SPATA6: variants seen among roughly 807,000 people sequenced by gnomAD.
SPATA6 encodes spermatogenesis associated 6.
SPATA6 carries 56 observed loss-of-function variants against 65.3 expected under a neutral mutation model. The observed-to-expected ratio is 0.86, with a 90% CI of 0.69 to 1.07. The LOEUF (loss-of-function observed/expected upper bound fraction) is 1.07, where lower values mean the gene tolerates loss of function less well. Among genes scored for constraint, SPATA6 ranks in the 50% least tolerant of loss-of-function variants. The probability of loss-of-function intolerance (pLI) is 0.00; values close to 1 mark genes in which losing one functional copy is unlikely to be tolerated. For missense variants in SPATA6, 590 were observed against 594.8 expected, an observed-to-expected ratio of 0.99 and a Z score of 0.08; for synonymous variants, 199 against 213.2, an observed-to-expected ratio of 0.93 and a Z score of 0.58.
the SPATA6 span, among the ~76,000 whole-genome samples, chr1:48,279,022 A>G: frequency 2.0e-5 from 3 of 152,232 alleles, no homozygotes; most frequent in African/African-American, 7.2e-5. Flanking sequence ...GTGGGGGCCA[A>G]TATTCAACAT....
At chr1:48,311,684 C>A (rs949569641) in intron 11 of SPATA6, among the ~76,000 whole-genome samples, 1 of 152,174 alleles carries the variant, frequency 6.6e-6, no homozygotes, top group Non-Finnish European at 1.5e-5. Flanking sequence ...AACTGAGGTA[C>A]CAGGTTCATC....
At chr1:48,318,931 T>C (rs1645518773) in intron 11 of SPATA6, among the ~76,000 whole-genome samples, 1 of 152,150 alleles carries the variant, frequency 6.6e-6, no homozygotes, top group Non-Finnish European at 1.5e-5. Context: ...TATAGATCAA[T>C]GAAACAGAAT....
At chr1:48,360,377 G>A (rs966238935) in intron 9 of SPATA6, among the ~76,000 whole-genome samples, 1 of 152,120 alleles carries the variant, frequency 6.6e-6, no homozygotes, top group African/African-American at 2.4e-5. Context: ...GCTGATGGGT[G>A]CGATGGAAAG....
chr1:48,452,181 A>G (rs1374576342), intron 2 of SPATA6, among the ~76,000 whole-genome samples: 11 of 152,232 alleles, frequency 7.2e-5, no homozygotes, highest in Non-Finnish European at 1.2e-4. Context: ...GTGCCTAGAA[A>G]AGTCCACAGA....
chr1:48,323,862 G>C (rs1261491007), intron 11 of SPATA6, among the ~76,000 whole-genome samples: 1 of 152,110 alleles, frequency 6.6e-6, no homozygotes, highest in East Asian at 1.9e-4. Context: ...GTAATAAAAA[G>C]TCTCCTAGCA....
intron 8 of SPATA6, among the ~76,000 whole-genome samples, chr1:48,387,593 G>T (rs2147875604): frequency 6.6e-6 from 1 of 152,252 alleles, no homozygotes; most frequent in South Asian, 2.1e-4. Context: ...CTCTGCCCCT[G>T]CCTACCACAG....
intron 3 of SPATA6, among the ~76,000 whole-genome samples, chr1:48,427,180 C>T (rs138048020): frequency 2.6e-3 from 389 of 152,000 alleles, no homozygotes; most frequent in African/African-American, 8.8e-3. Context: ...CTCCAGCCTA[C>T]GCTTCCCAAA....
At chr1:48,303,471 C>T (rs1431262635) in intron 12 of SPATA6, among the ~76,000 whole-genome samples, 2 of 152,142 alleles carry the variant, frequency 1.3e-5, no homozygotes, top group Non-Finnish European at 2.9e-5. Context: ...TTCTACTCTC[C>T]ACTTCCATGA....
At chr1:48,341,664 G>C (rs1207800916) in intron 11 of SPATA6, among the ~76,000 whole-genome samples, 1 of 152,124 alleles carries the variant, frequency 6.6e-6, no homozygotes, top group Non-Finnish European at 1.5e-5. Flanking sequence ...AAAAAACATG[G>C]TTTCTGAGAG....
intron 3 of SPATA6, among the ~76,000 whole-genome samples, chr1:48,431,629 G>C (rs1654411885): frequency 6.6e-6 from 1 of 152,060 alleles, no homozygotes; most frequent in Non-Finnish European, 1.5e-5. Context: ...AGTAAACTTG[G>C]AAAATTCACC....
chr1:48,453,698 A>G (rs552472495), intron 1 of SPATA6, among the ~76,000 whole-genome samples: 4 of 152,186 alleles, frequency 2.6e-5, no homozygotes, highest in African/African-American at 4.8e-5. Context: ...TTAAGTGCAT[A>G]TACCTTAACT....
At chr1:48,335,761 A>G (rs1646042706) in intron 11 of SPATA6, among the ~76,000 whole-genome samples, 1 of 152,222 alleles carries the variant, frequency 6.6e-6, no homozygotes, top group Admixed American at 6.5e-5. Flanking sequence ...AAGCAATTGC[A>G]ACAAAAGCAA....
At chr1:48,304,986 T>C (rs930475457) in intron 12 of SPATA6, among the ~76,000 whole-genome samples, 1 of 152,170 alleles carries the variant, frequency 6.6e-6, no homozygotes, top group African/African-American at 2.4e-5. Context: ...TATAATAAAC[T>C]GTTTAAAGAG....
intron 3 of SPATA6, among the ~76,000 whole-genome samples, chr1:48,433,300 T>C (rs1654579166): frequency 6.6e-6 from 1 of 152,148 alleles, no homozygotes; most frequent in Non-Finnish European, 1.5e-5. Flanking sequence ...ATGTATGTTT[T>C]ACTGTAATAA....
intron 8 of SPATA6, among the ~76,000 whole-genome samples, chr1:48,390,394 C>CT (rs1649927005): frequency 6.6e-6 from 1 of 152,054 alleles, no homozygotes; most frequent in Non-Finnish European, 1.5e-5. Context: ...ATAATCGATA[C>CT]TAGAGGCTGG....
At chr1:48,271,715 C>A in the SPATA6 span, among the ~76,000 whole-genome samples, 14,799 of 151,998 alleles carry the variant, frequency 0.097, 870 homozygotes, top group South Asian at 0.17. Flanking sequence ...TAAACAAGGC[C>A]CCAAATCACT....
chr1:48,369,811 C>T (rs1570343453), intron 9 of SPATA6, among the ~76,000 whole-genome samples: 1 of 152,202 alleles, frequency 6.6e-6, no homozygotes, highest in East Asian at 1.9e-4. Context: ...CTGGCACTCT[C>T]TAGTGAGATG....
At chr1:48,313,929 A>C (rs141703257) in intron 11 of SPATA6, among the ~76,000 whole-genome samples, 7,784 of 152,228 alleles carry the variant, frequency 0.051, 265 homozygotes, top group African/African-American at 0.089. Context: ...CAACAAAGAT[A>C]AAAAGAGACA....
intron 3 of SPATA6, among the ~76,000 whole-genome samples, chr1:48,446,921 C>T (rs961669984): frequency 1.3e-5 from 2 of 152,098 alleles, no homozygotes; most frequent in Admixed American, 6.5e-5. Flanking sequence ...CATTTATACA[C>T]GAATTTTCTT....
Sources: allele counts gnomAD v4.1 joint callset (sites outside exome capture counted in the v4.1 genomes callset), GRCh38; gene constraint gnomAD v4.1.1; transcripts MANE v1.5; gene names NCBI Gene and HGNC (gene_info 2026-07-23, HGNC 2026-07-21).